DIDO1: variants seen among roughly 807,000 people sequenced by gnomAD.
The protein encoded by DIDO1 is death inducer-obliterator 1.
A neutral mutation model predicts 99.4 loss-of-function variants in DIDO1; 16 were observed. The observed-to-expected ratio is 0.16, with a 90% CI of 0.11 to 0.24. The LOEUF (loss-of-function observed/expected upper bound fraction) is 0.24. Ranked by LOEUF, DIDO1 falls within the 10% of genes least tolerant of loss-of-function variation. The pLI, the probability that DIDO1 is intolerant of heterozygous loss-of-function variation, is 1.00. For missense variants in DIDO1, 2,996 were observed against 3,014.0 expected, an observed-to-expected ratio of 0.99 and a Z score of 0.14; for synonymous variants, 1,366 against 1,239.1, an observed-to-expected ratio of 1.10 and a Z score of -2.15.
chr20:62,923,380 T>C (rs770679346), intron 1 of DIDO1, among the ~76,000 whole-genome samples: 7 of 151,910 alleles, frequency 4.6e-5, no homozygotes, highest in Non-Finnish European at 1.0e-4. Context: ...TTTCACCATA[T>C]TGGCCAGGCT....
Position 62,881,755 on chromosome 20 carries a change from G to T in DIDO1, c.4201C>A (p.Leu1401Ile). Residue 1401 changes from leucine to isoleucine, a missense_variant, in exon 16 of 16, where the codon CTT (leucine) becomes ATT (isoleucine). Coordinates refer to ENST00000395343, the MANE Select transcript of DIDO1 (RefSeq NM_001193369.2). The surrounding 1 kb of genome is among the most constrained non-coding windows in gnomAD (Gnocchi z 8.3). ...TCGTGGCGCCGCCCTCGCTCCACAA[G>T]CTGAGTGTCGAAGGCCCTCTCCGGG... ...YDPERAFDTQ[L>I]VERGRRHEVE... is the part of the protein sequence containing the mutation. 6.2e-7 allele frequency: 1 copy of T among 1,613,210 alleles called. No homozygotes were observed. The highest frequency in any genetic ancestry group is 8.5e-7 in the Non-Finnish European group (1 of 1,180,032).
chr20:62,905,539 G>C, intron 6 of DIDO1: 1 of 1,551,024 alleles, frequency 6.4e-7, no homozygotes, highest in Non-Finnish European at 8.7e-7. Context: ...TGGATGTGGC[G>C]TGCCGGGCAG....
upstream of DIDO1, among the ~76,000 whole-genome samples, chr20:62,927,864 T>C (rs550904671): frequency 4.6e-5 from 7 of 152,346 alleles, no homozygotes; most frequent in African/African-American, 1.4e-4. Flanking sequence ...GGGATGGGCT[T>C]GACAGTCTTC....
At chr20:62,904,311 C>T (rs1056399913) in intron 6 of DIDO1, among the ~76,000 whole-genome samples, 2 of 152,176 alleles carry the variant, frequency 1.3e-5, no homozygotes, top group African/African-American at 4.8e-5. Flanking sequence ...ACATTTGAGA[C>T]ATTTGCTAGC....
At chr20:62,915,696 T>C (rs902204509) in intron 1 of DIDO1, among the ~76,000 whole-genome samples, 1 of 152,172 alleles carries the variant, frequency 6.6e-6, no homozygotes, top group African/African-American at 2.4e-5. Flanking sequence ...TTTTGCTATG[T>C]TATCCAGGCT....
In DIDO1 at chr20:62,880,384, C is replaced by T. The variant is rs764287999; in HGVS notation, c.5572G>A (p.Ala1858Thr). Residue 1858 changes from alanine (A) to threonine (T), a missense_variant, in exon 16 of 16, where the codon GCC (alanine) becomes ACC (threonine). Around this residue, in one of 5 missense-constraint regions of DIDO1, gnomAD observed 1,562 missense variants for 1,412.6 expected, o/e 1.11. Coordinates refer to ENST00000395343, the MANE Select transcript of DIDO1 (RefSeq NM_001193369.2). ...PHGEKREFQD[A>T]PYNEVTGAPA... The stretch of plus-strand genomic sequence containing the variant: ...GCGCCCGTCACCTCGTTATACGGGG[C>T]GTCCTGGAACTCCCTCTTCTCCCCA... 1.9e-6 allele frequency: 3 copies of T among 1,612,756 alleles called. No homozygotes were observed. The highest frequency in any genetic ancestry group is 2.5e-6 in the Non-Finnish European group (3 of 1,180,030).
intron 6 of DIDO1, 132 bp downstream of exon 6, chr20:62,905,755 G>T: frequency 6.2e-7 from 1 of 1,607,738 alleles, no homozygotes; most frequent in Non-Finnish European, 8.5e-7. Context: ...TCTGCTTCCC[G>T]CTGATGGTGC....
intron 6 of DIDO1, among the ~76,000 whole-genome samples, chr20:62,898,275 C>G (rs553520367): frequency 6.6e-6 from 1 of 152,220 alleles, no homozygotes; most frequent in African/African-American, 2.4e-5. Context: ...CAGGATATCC[C>G]GCATGTGCTG....
intron 1 of DIDO1, among the ~76,000 whole-genome samples, chr20:62,917,601 CT>C (rs1313082201): frequency 6.6e-6 from 1 of 152,184 alleles, no homozygotes; most frequent in Non-Finnish European, 1.5e-5. Flanking sequence ...GCTCAATCCC[CT>C]AGGGCTGTGC....
chr20:62,907,446 T>TAC (rs1414442060), intron 4 of DIDO1, 87 bp from the exon 5 acceptor site: 1 of 1,255,468 alleles, frequency 8.0e-7, no homozygotes, highest in African/African-American at 1.5e-5. Flanking sequence ...CCATTTATAG[T>TAC]ACCAAGGCCA....
rs781517563 is a variant in DIDO1 at position 62,893,997 on chromosome 20, C to T, written c.2770G>A (p.Val924Met). The change falls in exon 12 of 16, where the codon GTG becomes ATG. Residue 924 changes from valine (V) to methionine (M), a missense_variant. Transcript: ENST00000395343. Reference protein sequence around the residue: ...PGLESASHPNVDRTYFPGPPG... With the variant: ...PGLESASHPNMDRTYFPGPPG... Reference sequence around the variant, plus strand: ...GGCCCAGGGAAATACGTTCTGTCCACATTTGGATGAGAAGCACTTTCTAGG... The same window carrying T: ...GGCCCAGGGAAATACGTTCTGTCCATATTTGGATGAGAAGCACTTTCTAGG... 3.1e-6 allele frequency: 5 copies of T among 1,614,190 alleles called. No homozygotes were observed. Among genetic ancestry groups the T allele is most frequent in the Non-Finnish European group, 4.2e-6 (5 of 1,180,042 alleles).
chr20:62,885,840 C>T (rs1401271935), intron 15 of DIDO1, among the ~76,000 whole-genome samples: 3 of 152,360 alleles, frequency 2.0e-5, no homozygotes, highest in East Asian at 3.9e-4. Context: ...CTGGCTGGAC[C>T]TTGGGAGCCA....
At chr20:62,882,489 G>C (rs878923358) in intron 15 of DIDO1, 75 bp from the exon 16 acceptor site, 1 of 1,354,810 alleles carries the variant, frequency 7.4e-7, no homozygotes, top group East Asian at 2.3e-5. Context: ...ATTTCATTAA[G>C]GGCTTTCACG....
At chr20:62,922,100 C>CTA (rs1555851690) in intron 1 of DIDO1, among the ~76,000 whole-genome samples, 43 of 69,584 alleles carry the variant, frequency 6.2e-4, no homozygotes, top group East Asian at 1.3e-3. Flanking sequence ...TATATACACA[C>CTA]TATATATATA....
Position 62,896,452 on chromosome 20 carries a change from C to T in DIDO1, c.2055-60G>A. The T allele has an allele frequency of 1.3e-6, 2 of 1,589,938 alleles. No homozygotes were observed. Among genetic ancestry groups the T allele is most frequent in the Admixed American group, 1.9e-5 (1 of 52,020 alleles). The stretch of plus-strand genomic sequence containing the variant: ...ACTTGTGTATATTAAACTTTTTGAA[C>T]AGTGAGGCAATCCTGCAGCCACACT... On this transcript the variant is annotated intron_variant, in intron 7 of 15. Transcript: ENST00000395343. This position sits in a 1 kb window ranked among gnomAD's most constrained non-coding sequence, Gnocchi z 4.4.
At chr20:62,913,445 A>G (rs1325844825) in intron 2 of DIDO1, among the ~76,000 whole-genome samples, 1 of 152,244 alleles carries the variant, frequency 6.6e-6, no homozygotes, top group East Asian at 1.9e-4. Flanking sequence ...TCCAGGAGGC[A>G]ATGCTGACCT....
rs769655849 is a variant in DIDO1 at position 62,881,240 on chromosome 20, C to T, written c.4716G>A (p.Glu1572=). ...QARRLATETG[E]GEGEPLSRLS... is the part of the protein sequence containing the mutation. ...GCCTGGAGAGAGGCTCCCCCTCCCC[C>T]TCACCGGTCTCAGTGGCCAGGCGCC... Residue 1572 remains glutamate, a synonymous_variant, in exon 16 of 16, where the codon GAG becomes GAA. Coordinates refer to ENST00000395343, the MANE Select transcript of DIDO1 (RefSeq NM_001193369.2). The surrounding 1 kb of genome is among the most constrained non-coding windows in gnomAD (Gnocchi z 8.3). The T allele has an allele frequency of 1.2e-6, 2 of 1,601,688 alleles. No homozygotes were observed. The highest frequency in any genetic ancestry group is 1.7e-6 in the Non-Finnish European group (2 of 1,177,014).
At chr20:62,930,049 G>A (rs971545719), upstream of DIDO1, among the ~76,000 whole-genome samples, 4 of 151,984 alleles carry the variant, frequency 2.6e-5, no homozygotes, top group African/African-American at 9.7e-5. Flanking sequence ...AGACCAGCCT[G>A]ACCAACATGG....
At chr20:62,924,990 G>T (rs537772939) in intron 1 of DIDO1, among the ~76,000 whole-genome samples, 3 of 152,314 alleles carry the variant, frequency 2.0e-5, no homozygotes, top group African/African-American at 7.2e-5. Context: ...ACAGCAAGTA[G>T]GAAAACAAGT....
Sources: gnomAD v4.1 joint callset for allele counts (sites outside exome capture counted in the v4.1 genomes callset) on GRCh38, gnomAD v4.1.1 for gene constraint, gnomAD v4.1.1 regional missense constraint, Gnocchi (gnomAD v3.1) non-coding constraint, MANE v1.5 for transcripts, NCBI Gene and HGNC (gene_info 2026-07-23, HGNC 2026-07-21) for gene names.